ADAM2: variants seen among roughly 807,000 people sequenced by gnomAD.
The protein encoded by ADAM2 is disintegrin and metalloproteinase domain-containing protein 2.
In ADAM2, 101 loss-of-function variants were observed where a neutral mutation model predicts 99.3. The observed-to-expected ratio is 1.02, with a 90% CI of 0.87 to 1.20. The LOEUF is 1.20. Among genes scored for constraint, ADAM2 ranks in the 50% most tolerant of loss-of-function variants. The probability of loss-of-function intolerance (pLI) is 0.00; values close to 1 mark genes in which losing one functional copy is unlikely to be tolerated. For missense variants in ADAM2, 948 were observed against 878.7 expected (o/e 1.08, Z -1.00); for synonymous variants, 323 against 287.6 (o/e 1.12, Z -1.25).
chr8:39,760,920 A>G (rs1194098377), intron 15 of ADAM2, among the ~76,000 whole-genome samples: 2 of 150,048 alleles, frequency 1.3e-5, no homozygotes, highest in Non-Finnish European at 3.0e-5. Context: ...AATTAAAGTA[A>G]TAGCATGCAC....
rs915585780 is a variant in ADAM2, at chr8:39,765,872, G to T, written c.1507+976C>A. Among the ~76,000 whole-genome samples, 21 of 152,298 alleles carry T rather than the reference G, an allele frequency of 1.4e-4. No homozygotes were observed. The East Asian group carries it at 2.3e-3, about 17-fold the overall frequency. ...AGAGTTAGACTTGCAACTTGTTCCAGTTGAGAATAAAGGTGACCACCTATC... is the reference window on the plus strand; with the variant it reads ...AGAGTTAGACTTGCAACTTGTTCCATTTGAGAATAAAGGTGACCACCTATC... On this transcript the variant is annotated intron_variant, in intron 14 of 20. Transcript: ENST00000265708.
chr8:39,746,825 GA>G (rs1431825668), intron 18 of ADAM2, among the ~76,000 whole-genome samples, 194 bp from the exon 19 acceptor site: 16 of 152,072 alleles, frequency 1.1e-4, no homozygotes, highest in African/African-American at 3.1e-4. Flanking sequence ...TTTTAAAATG[GA>G]TAGCTATATA....
intron 7 of ADAM2, among the ~76,000 whole-genome samples, chr8:39,806,749 T>G (rs1307204999): frequency 1.3e-5 from 2 of 152,124 alleles, no homozygotes; most frequent in African/African-American, 2.4e-5. Context: ...ATTTGGAGAT[T>G]TCCTGCCTAT....
intron 7 of ADAM2, among the ~76,000 whole-genome samples, chr8:39,794,598 T>C (rs1201113305): frequency 2.6e-5 from 4 of 152,118 alleles, no homozygotes; most frequent in Non-Finnish European, 5.9e-5. Flanking sequence ...CTGGTTATGT[T>C]ATCTATAGAT....
chr8:39,837,185 G>A lies in ADAM2; in HGVS notation c.83C>T (p.Thr28Ile). 1 of 1,609,946 alleles carries A rather than the reference G, an allele frequency of 6.2e-7. No homozygotes were observed. The highest frequency in any genetic ancestry group is 8.5e-7 in the Non-Finnish European group (1 of 1,177,450). Residue 28 changes from threonine (T) to isoleucine (I), a missense_variant, in exon 2 of 21, where the codon ACA becomes ATA. Coordinates refer to ENST00000265708, the MANE Select transcript of ADAM2 (RefSeq NM_001464.5). ...TATTGACCGTATTTTCTCCGGAACT[G>A]TAATTTGCACAGGTAAACTATCAAA... is the stretch of plus-strand genomic sequence containing the variant. ...SNFDSLPVQI[T>I]VPEKIRSIIK...
At chr8:39,791,899 C>T (rs2129585645) in intron 7 of ADAM2, among the ~76,000 whole-genome samples, 1 of 152,158 alleles carries the variant, frequency 6.6e-6, no homozygotes, top group Non-Finnish European at 1.5e-5. Context: ...ATGGATCAAA[C>T]ACTTAAAAAC....
intron 7 of ADAM2, among the ~76,000 whole-genome samples, chr8:39,803,145 T>TA (rs1178265639): frequency 1.3e-5 from 2 of 152,224 alleles, no homozygotes; most frequent in East Asian, 3.9e-4. Flanking sequence ...TGAGACTAAA[T>TA]AAAAAACTGC....
intron 20 of ADAM2, among the ~76,000 whole-genome samples, chr8:39,744,594 T>C (rs997459372): frequency 2.6e-5 from 4 of 151,840 alleles, no homozygotes; most frequent in Non-Finnish European, 4.4e-5. Context: ...TGAAAACACA[T>C]GGACACAGGG....
intron 16 of ADAM2, among the ~76,000 whole-genome samples, chr8:39,754,788 C>A (rs542312828): frequency 5.9e-5 from 9 of 152,134 alleles, no homozygotes; most frequent in African/African-American, 1.9e-4. Context: ...TGAGCTTGCA[C>A]CTCCTTGTGT....
Position 39,748,601 on chromosome 8 carries a change from T to C in ADAM2, c.2014+711A>G, listed in dbSNP as rs564078112. ...TCCTGGTCCTAAGTATTATTGGATA[T>C]GCCAGTTAACTTCTGGCTTTCTCTA... On this transcript the variant is annotated intron_variant, in intron 18 of 20. Transcript: ENST00000265708. Among the ~76,000 whole-genome samples the C allele has an allele frequency of 1.8e-3, 275 of 152,314 alleles. 1 individual carries two copies. Among genetic ancestry groups the C allele is most frequent in the Non-Finnish European group, 3.1e-3 (214 of 68,000 alleles).
At chr8:39,815,946 T>C (rs1316321014) in intron 6 of ADAM2, among the ~76,000 whole-genome samples, 1 of 152,052 alleles carries the variant, frequency 6.6e-6, no homozygotes, top group African/African-American at 2.4e-5. Context: ...TAGATATCAG[T>C]TCACACATAA....
chr8:39,778,365 AT>A (rs927117248), intron 10 of ADAM2, among the ~76,000 whole-genome samples: 5 of 151,880 alleles, frequency 3.3e-5, no homozygotes, highest in Admixed American at 3.3e-4. Context: ...TTTTACCTTG[AT>A]TTTTTCTAAT....
chr8:39,821,677 A>G lies in ADAM2; in HGVS notation c.268-15T>C. The stretch of plus-strand genomic sequence containing the variant: ...TGGCAGAAATTCTGAAAGATAAAAT[A>G]CACATATCTCCATTAGAATGGTTTG... On this transcript the variant is annotated splice_polypyrimidine_tract_variant and intron_variant, in intron 4 of 20. Coordinates refer to ENST00000265708, the MANE Select transcript of ADAM2 (RefSeq NM_001464.5). 6.6e-7 allele frequency: 1 copy of G among 1,514,840 alleles called. No homozygotes were observed. Among genetic ancestry groups the G allele is most frequent in the Non-Finnish European group, 9.2e-7 (1 of 1,091,218 alleles). The allele number at this position is 1,514,840 out of a possible 1,614,324, so 93.8% of individuals were successfully genotyped here.
chr8:39,749,583 G>GTGAA (rs1554519220), intron 17 of ADAM2, 84 bp downstream of exon 17: 1 of 979,172 alleles, frequency 1.0e-6, no homozygotes, highest in Non-Finnish European at 1.4e-6. Flanking sequence ...GTGTGTGTGT[G>GTGAA]TGCGTGTGTG....
chr8:39,796,803 C>CT (rs1175454041), intron 7 of ADAM2, among the ~76,000 whole-genome samples: 11 of 151,970 alleles, frequency 7.2e-5, no homozygotes, highest in Non-Finnish European at 1.3e-4. Flanking sequence ...TGATGTGGAG[C>CT]TTTTTTTTCC....
In ADAM2 at chr8:39,788,022, T is replaced by G. The variant is rs189242561; in HGVS notation, c.809+63A>C. 62 of 1,103,498 alleles carry G rather than the reference T, an allele frequency of 5.6e-5. 1 individual carries two copies. The East Asian group carries it at 1.4e-3, about 25-fold the overall frequency. 68.4% of individuals were successfully genotyped at this position (1,103,498 alleles called of 1,614,324 possible). A position where few individuals can be genotyped will look rare whatever the true frequency, so the allele number is the denominator to read the frequency against. On this transcript the variant is annotated intron_variant, in intron 9 of 20. Transcript: ENST00000265708. ...TAATACACATTTATCAACAGTAAGA[T>G]ATTCGGTCAAATTGCATAAATTTTC... is the stretch of plus-strand genomic sequence containing the variant.
At chr8:39,774,300 C>T (rs1802902497) in intron 11 of ADAM2, among the ~76,000 whole-genome samples, 1 of 151,682 alleles carries the variant, frequency 6.6e-6, no homozygotes, top group South Asian at 2.1e-4. Context: ...AAATAGTACT[C>T]GAGGCCCTAA....
intron 12 of ADAM2, among the ~76,000 whole-genome samples, chr8:39,768,665 G>T (rs2129584211): frequency 6.6e-6 from 1 of 152,194 alleles, no homozygotes; most frequent in Non-Finnish European, 1.5e-5. Flanking sequence ...AAGGAATTTA[G>T]GTTAAATACT....
At chr8:39,826,989 C>T (rs775728791) in intron 3 of ADAM2, among the ~76,000 whole-genome samples, 19 of 151,390 alleles carry the variant, frequency 1.3e-4, no homozygotes, top group Non-Finnish European at 2.1e-4. Flanking sequence ...AAAGATTTGC[C>T]AACTATACAT....
Sources: gnomAD v4.1 joint callset for allele counts (sites outside exome capture counted in the v4.1 genomes callset) on GRCh38, gnomAD v4.1.1 for gene constraint, MANE v1.5 for transcripts, NCBI Gene and HGNC (gene_info 2026-07-23, HGNC 2026-07-21) for gene names.